RIC1: variants seen among roughly 807,000 people sequenced by gnomAD.
The protein encoded by RIC1 is guanine nucleotide exchange factor subunit RIC1.
RIC1 carries 88 observed loss-of-function variants against 169.0 expected under a neutral mutation model. The observed-to-expected ratio is 0.52, with a 90% confidence interval of 0.44 to 0.62. The LOEUF is 0.62. Among genes scored for constraint, RIC1 ranks in the 20% least tolerant of loss-of-function variants. RIC1 has a pLI of 0.00. For missense variants in RIC1, 1,877 were observed against 1,725.5 expected, an observed-to-expected ratio of 1.09 and a Z score of -1.56; for synonymous variants, 790 against 601.5, an observed-to-expected ratio of 1.31 and a Z score of -4.59.
intron 1 of RIC1, among the ~76,000 whole-genome samples, chr9:5,646,200 G>A (rs1421163061): frequency 6.6e-6 from 1 of 152,016 alleles, no homozygotes; most frequent in African/African-American, 2.4e-5. Context: ...TTATGTACTT[G>A]TAAGTCATGT....
chr9:5,683,823 C>T (rs974065614), intron 2 of RIC1, among the ~76,000 whole-genome samples: 1 of 152,216 alleles, frequency 6.6e-6, no homozygotes, highest in Non-Finnish European at 1.5e-5. Flanking sequence ...GCTTTGTTTA[C>T]CTACTCAAGC....
intron 2 of RIC1, among the ~76,000 whole-genome samples, chr9:5,668,621 T>G (rs544643913): frequency 2.0e-5 from 3 of 152,220 alleles, no homozygotes; most frequent in Non-Finnish European, 4.4e-5. Flanking sequence ...AAATGTCTTA[T>G]TTTCAAGTAC....
At position 5,639,322 on chromosome 9, in the gene RIC1, G is replaced by C. The variant is rs921906333; in HGVS notation, c.144+9869G>C. Among the ~76,000 whole-genome samples, 12 of 152,208 alleles carry C rather than the reference G, an allele frequency of 7.9e-5. No homozygotes were observed. In the East Asian group the frequency reaches 1.7e-3, roughly 22 times the overall value. The stretch of plus-strand genomic sequence containing the variant: ...TTCCATTATCATTTGTTTCAATAAA[G>C]TTTTCAGTTTGCTTCTTAATTTCTG... On this transcript the variant is annotated intron_variant, in intron 1 of 25. Transcript: ENST00000414202.
intron 8 of RIC1, among the ~76,000 whole-genome samples, chr9:5,741,252 G>A (rs1435655886): frequency 1.3e-5 from 2 of 152,118 alleles, no homozygotes; most frequent in African/African-American, 4.8e-5. Context: ...CTACCTTTCA[G>A]ATCTTGTCTT....
Position 5,775,414 on chromosome 9 carries a change from T to C in RIC1, c.*1168T>C, listed in dbSNP as rs1038500572. 13 of 152,222 alleles carry C rather than the reference T, an allele frequency of 8.5e-5. No individual in the cohort carries two copies. Among genetic ancestry groups the C allele is most frequent in the African/African-American group, 2.9e-4 (12 of 41,472 alleles). 9.4% of individuals were successfully genotyped at this position (152,222 alleles called of 1,614,324 possible). ...AATTGCTTTAAACACCCATCCACTGTATGTAATTCTAATTACCTTATAACA... is the reference window on the plus strand; with the variant it reads ...AATTGCTTTAAACACCCATCCACTGCATGTAATTCTAATTACCTTATAACA... On this transcript the variant is annotated 3_prime_UTR_variant, in exon 26 of 26. Transcript: ENST00000414202.
At chr9:5,715,375 G>T (rs1475868742) in intron 4 of RIC1, among the ~76,000 whole-genome samples, 2 of 152,126 alleles carry the variant, frequency 1.3e-5, no homozygotes. Flanking sequence ...CTGCCATCTT[G>T]TCCAAGTTTA....
intron 22 of RIC1, 66 bp from the exon 23 acceptor site, chr9:5,770,021 T>A: frequency 7.2e-7 from 1 of 1,392,180 alleles, no homozygotes; most frequent in Non-Finnish European, 9.7e-7. Flanking sequence ...AGAGCTGAAT[T>A]GAAAATGTCA....
rs1827436383 is a variant in RIC1 at position 5,774,128 on chromosome 9, G to A, written c.4154G>A (p.Ser1385Asn). 6.2e-7 allele frequency: 1 copy of A among 1,614,100 alleles called. No individual in the cohort carries two copies. The highest frequency in any genetic ancestry group is 1.3e-5 in the African/African-American group (1 of 75,052). Residue 1385 changes from serine (S) to asparagine (N), a missense_variant, in exon 26 of 26, where the codon AGC becomes AAC. By Grantham distance (46) the Ser-to-Asn change is conservative. This residue lies in a region of RIC1 where 681 missense variants were observed against 582.0 expected (regional missense o/e 1.17). Transcript: ENST00000414202. The stretch of plus-strand genomic sequence containing the variant: ...AGCAGGGGCTCCTCCAGCCATGGAA[G>A]CATCCCCCAGGGTGAAGTTGGAAGC... ...EESRGSSSHG[S>N]IPQGEVGSSN...
intron 1 of RIC1, among the ~76,000 whole-genome samples, chr9:5,636,450 G>A (rs1817976616): frequency 1.3e-5 from 2 of 152,064 alleles, no homozygotes. Flanking sequence ...CTCCTGAGTA[G>A]CTGGGATTAC....
At chr9:5,656,097 C>G (rs959031201) in intron 1 of RIC1, among the ~76,000 whole-genome samples, 1 of 151,750 alleles carries the variant, frequency 6.6e-6, no homozygotes, top group Non-Finnish European at 1.5e-5. Context: ...GTCTCCATCT[C>G]CTAACCTTGT....
chr9:5,690,352 A>C (rs1010226726), intron 3 of RIC1, among the ~76,000 whole-genome samples: 2 of 152,090 alleles, frequency 1.3e-5, no homozygotes, highest in Non-Finnish European at 2.9e-5. Flanking sequence ...GGAAGAGTTG[A>C]AATGTTGGTA....
chr9:5,688,544 C>T (rs140199661), intron 2 of RIC1, among the ~76,000 whole-genome samples: 1 of 152,094 alleles, frequency 6.6e-6, no homozygotes, highest in Non-Finnish European at 1.5e-5. Flanking sequence ...ATTGCAAGAA[C>T]ATAAAATTGC....
chr9:5,734,018 A>G lies in RIC1; in HGVS notation c.812+1539A>G, dbSNP rs187032678. Reference sequence around the variant, plus strand: ...GATTCAATTCAGTTTTTAAAAATATACATATATATAATGTATATATTTTAG... The same window carrying G: ...GATTCAATTCAGTTTTTAAAAATATGCATATATATAATGTATATATTTTAG... On this transcript the variant is annotated intron_variant, in intron 7 of 25. Coordinates refer to ENST00000414202, the MANE Select transcript of RIC1 (RefSeq NM_020829.4). Among the ~76,000 whole-genome samples the G allele has an allele frequency of 6.7e-3, 993 of 147,722 alleles. 14 individuals are homozygous for G. The highest frequency in any genetic ancestry group is 0.023 in the African/African-American group (945 of 40,736).
chr9:5,642,650 A>G lies in RIC1; in HGVS notation c.144+13197A>G, dbSNP rs191254373. On this transcript the variant is annotated intron_variant, in intron 1 of 25. Coordinates refer to ENST00000414202, the MANE Select transcript of RIC1 (RefSeq NM_020829.4). ...TTTTTCCCCTGTCCACAGGCAGAGGAGAATCTGCCTCTGTGGCCACCACTA... is the reference window on the plus strand; with the variant it reads ...TTTTTCCCCTGTCCACAGGCAGAGGGGAATCTGCCTCTGTGGCCACCACTA... Among the ~76,000 whole-genome samples, 910 of 144,994 alleles carry G rather than the reference A, an allele frequency of 6.3e-3. 80 individuals are homozygous for G. The highest frequency in any genetic ancestry group is 9.0e-3 in the Non-Finnish European group (607 of 67,324).
intron 1 of RIC1, among the ~76,000 whole-genome samples, chr9:5,631,392 A>G (rs573564512): frequency 6.6e-6 from 1 of 152,280 alleles, no homozygotes; most frequent in African/African-American, 2.4e-5. Flanking sequence ...AGGAGGCTGT[A>G]TAGTACTGTA....
At chr9:5,684,481 C>G (rs892256357) in intron 2 of RIC1, among the ~76,000 whole-genome samples, 1 of 152,032 alleles carries the variant, frequency 6.6e-6, no homozygotes, top group African/African-American at 2.4e-5. Context: ...TATTTCATCT[C>G]TTTTGCCAGA....
At chr9:5,727,035 G>A (rs1043522825) in intron 6 of RIC1, among the ~76,000 whole-genome samples, 1 of 152,066 alleles carries the variant, frequency 6.6e-6, no homozygotes, top group Non-Finnish European at 1.5e-5. Flanking sequence ...ATGTGTCTTG[G>A]AGTTGCTCTT....
intron 2 of RIC1, among the ~76,000 whole-genome samples, chr9:5,675,544 C>G (rs1467013818): frequency 1.3e-5 from 2 of 152,156 alleles, no homozygotes; most frequent in Non-Finnish European, 1.5e-5. Flanking sequence ...ATTTCTTCAA[C>G]TTACGACAAG....
chr9:5,630,078 A>G (rs1817645476), intron 1 of RIC1, among the ~76,000 whole-genome samples: 1 of 152,236 alleles, frequency 6.6e-6, no homozygotes, highest in Non-Finnish European at 1.5e-5. Flanking sequence ...ATAGGGGGTT[A>G]AAGGAGCGGA....
Sources: gnomAD v4.1 joint callset for allele counts (sites outside exome capture counted in the v4.1 genomes callset) on GRCh38, gnomAD v4.1.1 for gene constraint, gnomAD v4.1.1 regional missense constraint, MANE v1.5 for transcripts, NCBI Gene and HGNC (gene_info 2026-07-23, HGNC 2026-07-21) for gene names.